OTUD7A: variants seen among roughly 807,000 people sequenced by gnomAD.
The protein encoded by OTUD7A is OTU domain-containing protein 7A.
OTUD7A carries 12 observed loss-of-function variants against 65.7 expected under a neutral mutation model. The observed-to-expected ratio is 0.18, with a 90% CI of 0.12 to 0.30. The LOEUF is 0.30. Among genes scored for constraint, OTUD7A ranks in the 10% least tolerant of loss-of-function variants. OTUD7A has a pLI of 1.00. For synonymous variants in OTUD7A, 641 were observed against 586.3 expected, an observed-to-expected ratio of 1.09 and a Z score of -1.35; for missense variants, 1,148 against 1,304.8, an observed-to-expected ratio of 0.88 and a Z score of 1.85.
At chr15:31,490,438 G>A (rs1408297057) in intron 10 of OTUD7A, among the ~76,000 whole-genome samples, 4 of 152,192 alleles carry the variant, frequency 2.6e-5, no homozygotes, top group African/African-American at 7.2e-5. Context: ...TGAAAAGCTG[G>A]AAGAGCATTG....
chr15:31,609,893 AG>A (rs1566942490), intron 3 of OTUD7A, among the ~76,000 whole-genome samples: 1 of 152,200 alleles, frequency 6.6e-6, no homozygotes, highest in African/African-American at 2.4e-5. Context: ...TTCACATCAC[AG>A]GACTTTGTGC....
At chr15:31,581,731 C>T (rs758262163) in intron 3 of OTUD7A, among the ~76,000 whole-genome samples, 9 of 152,220 alleles carry the variant, frequency 5.9e-5, no homozygotes, top group African/African-American at 1.9e-4. Context: ...CCCATGAAAC[C>T]ATTTTTTCCT....
intron 5 of OTUD7A, among the ~76,000 whole-genome samples, chr15:31,534,190 T>G (rs62004104): frequency 6.6e-6 from 1 of 152,076 alleles, no homozygotes; most frequent in Non-Finnish European, 1.5e-5. Flanking sequence ...TACAAACAAG[T>G]AGAACACAGT....
chr15:31,670,912 A>G (rs965783389), intron 1 of OTUD7A, among the ~76,000 whole-genome samples: 10 of 151,856 alleles, frequency 6.6e-5, no homozygotes, highest in South Asian at 2.1e-4. Context: ...GGAGAATGGC[A>G]TGAACCCGGG....
intron 3 of OTUD7A, among the ~76,000 whole-genome samples, chr15:31,632,323 T>C (rs190722534): frequency 6.8e-4 from 103 of 152,380 alleles, no homozygotes; most frequent in African/African-American, 2.4e-3. Flanking sequence ...GACCCTCAGC[T>C]GCAGGTCTGT....
chr15:31,653,046 C>G (rs1464781095), intron 3 of OTUD7A, among the ~76,000 whole-genome samples: 17 of 152,006 alleles, frequency 1.1e-4, no homozygotes, highest in Non-Finnish European at 2.4e-4. Context: ...GTCAGGAGCT[C>G]AAGACCAGCC....
intron 3 of OTUD7A, among the ~76,000 whole-genome samples, chr15:31,571,992 A>G (rs1307838311): frequency 4.0e-5 from 6 of 151,876 alleles, no homozygotes; most frequent in Non-Finnish European, 8.8e-5. Context: ...GATTCCCCTA[A>G]TTTTTCTTCT....
At chr15:31,666,307 G>A (rs1285692599) in intron 1 of OTUD7A, among the ~76,000 whole-genome samples, 1 of 151,996 alleles carries the variant, frequency 6.6e-6, no homozygotes, top group Admixed American at 6.6e-5. Flanking sequence ...CTTGTTATTG[G>A]TCTGTTCAGG....
At chr15:31,797,147 C>T (rs1489746254) in intron 1 of OTUD7A, among the ~76,000 whole-genome samples, 1 of 152,196 alleles carries the variant, frequency 6.6e-6, no homozygotes, top group Non-Finnish European at 1.5e-5. Flanking sequence ...GATGATGGCA[C>T]CTCGCTGGTG....
chr15:31,526,150 C>A (rs928908574), intron 8 of OTUD7A, among the ~76,000 whole-genome samples, 199 bp downstream of exon 8: 13 of 152,366 alleles, frequency 8.5e-5, no homozygotes, highest in African/African-American at 3.1e-4. Flanking sequence ...CTTCCACTAG[C>A]ACCTGGCGGG....
At chr15:31,582,453 A>C (rs977373336) in intron 3 of OTUD7A, among the ~76,000 whole-genome samples, 7 of 152,228 alleles carry the variant, frequency 4.6e-5, no homozygotes, top group African/African-American at 1.7e-4. Context: ...CATCCTGCTA[A>C]TAAAGACATA....
At chr15:31,539,967 AT>A (rs1434219634) in intron 5 of OTUD7A, among the ~76,000 whole-genome samples, 1 of 152,232 alleles carries the variant, frequency 6.6e-6, no homozygotes, top group Non-Finnish European at 1.5e-5. Flanking sequence ...GACAATTTCT[AT>A]GTAAATTAAC....
chr15:31,501,901 C>T (rs2041472978), intron 9 of OTUD7A, 62 bp from the exon 10 acceptor site: 13 of 1,523,526 alleles, frequency 8.5e-6, no homozygotes, highest in Non-Finnish European at 1.2e-5. Flanking sequence ...GAGGGGAGGC[C>T]CCTGCATCCC....
At position 31,860,622 on chromosome 15, in the gene OTUD7A, G is replaced by GATAAATATATATATATAT. The variant is rs59869625; in HGVS notation, c.-100+9884_-100+9885insATATATATATATATTTAT. On this transcript the variant is annotated intron_variant, in intron 1 of 12. Coordinates refer to ENST00000307050, the MANE Select transcript of OTUD7A (RefSeq NM_001382637.1). Reference sequence around the variant, plus strand: ...TATTCTCCTCGACCCCAGAAGTGGAGATATATATATATATATATATATGTA... The same window carrying GATAAATATATATATATAT: ...TATTCTCCTCGACCCCAGAAGTGGAGATAAATATATATATATATATATATATATATATATATATATGTA... Among the ~76,000 whole-genome samples, 65 of 26,860 alleles carry GATAAATATATATATATAT rather than the reference G, an allele frequency of 2.4e-3. 3 individuals are homozygous for GATAAATATATATATATAT. Among genetic ancestry groups the GATAAATATATATATATAT allele is most frequent in the Middle Eastern group, 0.016 (1 of 62 alleles). The allele number at this position is 26,860 out of a possible 152,430, so 17.6% of individuals were successfully genotyped here. A position where few individuals can be genotyped will look rare whatever the true frequency, so the allele number is the denominator to read the frequency against.
intron 4 of OTUD7A, 111 bp from the exon 5 acceptor site, chr15:31,559,298 T>C (rs1888605199): frequency 3.9e-6 from 4 of 1,033,140 alleles, no homozygotes; most frequent in Admixed American, 2.4e-5. Flanking sequence ...CAGGTACACA[T>C]TCATGCACAC....
intron 1 of OTUD7A, among the ~76,000 whole-genome samples, chr15:31,756,924 G>A (rs181345215): frequency 2.3e-4 from 35 of 152,242 alleles, no homozygotes; most frequent in Middle Eastern, 3.4e-3. Flanking sequence ...GGGGGCCACC[G>A]AAGTTGCTCC....
At chr15:31,661,251 G>GT (rs1401472339) in intron 1 of OTUD7A, among the ~76,000 whole-genome samples, 1 of 152,158 alleles carries the variant, frequency 6.6e-6, no homozygotes, top group African/African-American at 2.4e-5. Flanking sequence ...ATCTACTGGG[G>GT]TTTTGTCTTA....
Position 31,655,155 on chromosome 15 carries a change from A to G in OTUD7A, c.92T>C (p.Leu31Pro). 2 of 1,544,462 alleles carry G rather than the reference A, an allele frequency of 1.3e-6. No homozygotes were observed. Among genetic ancestry groups the G allele is most frequent in the Non-Finnish European group, 1.7e-6 (2 of 1,148,466 alleles). ...DPMTLDMDAVLSDFVRSTGAE... is the reference protein window; with the variant it reads ...DPMTLDMDAVPSDFVRSTGAE... ...CCCCGTGGACCGAACAAAGTCTGAC[A>G]GGACTGCGTCCATATCAAGAGTCAT... is the stretch of plus-strand genomic sequence containing the variant. The change falls in exon 3 of 13, where the codon CTG (leucine) becomes CCG (proline). Residue 31 changes from leucine (L) to proline (P), a missense_variant. This residue lies in a region of OTUD7A where 38 missense variants were observed against 85.7 expected (regional missense o/e 0.44). Coordinates refer to ENST00000307050, the MANE Select transcript of OTUD7A (RefSeq NM_001382637.1).
chr15:31,739,506 T>C (rs191491685), intron 1 of OTUD7A, among the ~76,000 whole-genome samples: 1 of 152,234 alleles, frequency 6.6e-6, no homozygotes, highest in Admixed American at 6.5e-5. Flanking sequence ...GCCATTTCTA[T>C]GGTAATGTTA....
Sources: gnomAD v4.1 joint callset for allele counts (sites outside exome capture counted in the v4.1 genomes callset) on GRCh38, gnomAD v4.1.1 for gene constraint, gnomAD v4.1.1 regional missense constraint, MANE v1.5 for transcripts, NCBI Gene and HGNC (gene_info 2026-07-23, HGNC 2026-07-21) for gene names.